The following MYOM2 variants were observed in gnomAD, a reference collection of about 807,000 sequenced individuals.
MYOM2 encodes myomesin 2.
MYOM2 carries 254 observed loss-of-function variants against 187.6 expected under a neutral mutation model. That is an observed-to-expected ratio of 1.35 (90% CI 1.22 to 1.50). The LOEUF is 1.50. MYOM2 is among the 40% of genes most tolerant of loss of function. MYOM2 has a pLI of 0.00. For synonymous variants in MYOM2, 981 were observed against 753.8 expected (o/e 1.30, Z -4.94); for missense variants, 2,796 against 1,924.0 (o/e 1.45, Z -8.48).
rs1477157281 is a variant in MYOM2 at position 2,073,506 on chromosome 8, G to A, written c.1120+6G>A. The A allele has an allele frequency of 1.9e-6, 3 of 1,594,654 alleles. No individual in the cohort carries two copies. Among genetic ancestry groups the A allele is most frequent in the Admixed American group, 1.7e-5 (1 of 59,026 alleles). On this transcript the variant is annotated splice_donor_region_variant and intron_variant, in intron 10 of 36. Coordinates refer to ENST00000262113, the MANE Select transcript of MYOM2 (RefSeq NM_003970.4). Reference sequence around the variant, plus strand: ...CGCCTTCCTGTTTGTCAGAGGTGCGGGCAGCAGGGTTCTCAGGGTGCAGAC... The same window carrying A: ...CGCCTTCCTGTTTGTCAGAGGTGCGAGCAGCAGGGTTCTCAGGGTGCAGAC...
chr8:2,084,562 C>T (rs1819742557), intron 13 of MYOM2, among the ~76,000 whole-genome samples: 1 of 152,126 alleles, frequency 6.6e-6, no homozygotes, highest in Admixed American at 6.5e-5. Context: ...TGAAAATCTC[C>T]TATAAATTCA....
At chr8:2,125,266 T>A (rs1395860111) in intron 31 of MYOM2, among the ~76,000 whole-genome samples, 1 of 152,226 alleles carries the variant, frequency 6.6e-6, no homozygotes, top group Non-Finnish European at 1.5e-5. Flanking sequence ...GATTTTTCCA[T>A]GTGGCATAAG....
intron 31 of MYOM2, among the ~76,000 whole-genome samples, chr8:2,128,471 C>G (rs1330712200): frequency 1.3e-5 from 2 of 152,228 alleles, no homozygotes; most frequent in African/African-American, 2.4e-5. Context: ...TGATAACAAT[C>G]TCTACTTCCA....
At chr8:2,107,450 C>A (rs1796931235) in intron 23 of MYOM2, among the ~76,000 whole-genome samples, 2 of 152,150 alleles carry the variant, frequency 1.3e-5, no homozygotes, top group Admixed American at 1.3e-4. Flanking sequence ...TTATCAATCA[C>A]TGTCCTGGTT....
At chr8:2,137,330 A>G (rs1798114940) in intron 32 of MYOM2, among the ~76,000 whole-genome samples, 1 of 151,924 alleles carries the variant, frequency 6.6e-6, no homozygotes, top group African/African-American at 2.4e-5. Context: ...GCACGAACAG[A>G]GCATTTCGTG....
At position 2,067,715 on chromosome 8, in the gene MYOM2, G is replaced by T. The variant is rs143931431; in HGVS notation, c.654-1563G>T. On this transcript the variant is annotated intron_variant, in intron 6 of 36. Coordinates refer to ENST00000262113, the MANE Select transcript of MYOM2 (RefSeq NM_003970.4). ...GAAGACCCACCCCCACAGGTACTTG[G>T]GTTTTGTGAGCCTGGCTATTCCTAA... Among the ~76,000 whole-genome samples the T allele has an allele frequency of 2.5e-3, 377 of 151,388 alleles. 1 individual carries two copies. Among genetic ancestry groups the T allele is most frequent in the African/African-American group, 8.4e-3 (348 of 41,250 alleles).
In MYOM2 at chr8:2,098,974, C is replaced by T; in HGVS notation, c.2431C>T (p.Pro811Ser). 1 of 1,603,446 alleles carries T rather than the reference C, an allele frequency of 6.2e-7. No individual in the cohort carries two copies. Among genetic ancestry groups the T allele is most frequent in the Non-Finnish European group, 8.5e-7 (1 of 1,172,518 alleles). Residue 811 changes from proline (P) to serine (S), a missense_variant, in exon 19 of 37, where the codon CCG becomes TCG. Physicochemically the swap from Pro to Ser is moderately conservative, Grantham distance 74 (BLOSUM62 -1). Coordinates refer to ENST00000262113, the MANE Select transcript of MYOM2 (RefSeq NM_003970.4). ...CTTCAAGTGTGAGGCCTGGACCATGCCGGAGCCCGGTGAGTCGCTGCCCCC... is the reference window on the plus strand; with the variant it reads ...CTTCAAGTGTGAGGCCTGGACCATGTCGGAGCCCGGTGAGTCGCTGCCCCC... ...EHFKCEAWTM[P>S]EPGPAYDLTF... is the part of the protein sequence containing the mutation.
rs1206696759 is a variant in MYOM2, at chr8:2,098,955, G to C, written c.2412G>C (p.Lys804Asn). 1 of 1,613,490 alleles carries C rather than the reference G, an allele frequency of 6.2e-7. No individual in the cohort carries two copies. ...GEPSDPSEHF[K>N]CEAWTMPEPG... ...CCTCAGATCCCAGTGAGCACTTCAA[G>C]TGTGAGGCCTGGACCATGCCGGAGC... Residue 804 changes from lysine to asparagine, a missense_variant, in exon 19 of 37, where the codon AAG becomes AAC. By Grantham distance (94) the Lys-to-Asn change is moderately conservative. Coordinates refer to ENST00000262113, the MANE Select transcript of MYOM2 (RefSeq NM_003970.4).
chr8:2,101,162 A>G, intron 20 of MYOM2, 108 bp downstream of exon 20: 2 of 1,100,438 alleles, frequency 1.8e-6, no homozygotes, highest in South Asian at 1.5e-5. Context: ...CCTGGCCAAC[A>G]TGGAGAAGCC....
Position 2,109,494 on chromosome 8 carries a change from G to C in MYOM2, c.3143G>C (p.Arg1048Pro), listed in dbSNP as rs746759229. Residue 1048 changes from arginine (R) to proline (P), a missense_variant, in exon 25 of 37, where the codon CGA (arginine) becomes CCA (proline). Physicochemically the swap from Arg to Pro is moderately radical, Grantham distance 103 (BLOSUM62 -2). Coordinates refer to ENST00000262113, the MANE Select transcript of MYOM2 (RefSeq NM_003970.4). ...CACTTATCACCAGATGCCAGCTACC[G>C]ATTTATTATTAACGACAGAGAAGTC... The part of the protein sequence containing the change: ...AEHLSPDASY[R>P]FIINDREVSD... 8 of 1,613,296 alleles carry C rather than the reference G, an allele frequency of 5.0e-6. No homozygotes were observed. Among genetic ancestry groups the C allele is most frequent in the Non-Finnish European group, 6.8e-6 (8 of 1,179,622 alleles).
chr8:2,109,299 C>T (rs2280895), intron 24 of MYOM2, 96 bp from the exon 25 acceptor site: 498,811 of 1,350,464 alleles, frequency 0.37, 94,614 homozygotes, highest in East Asian at 0.44. Context: ...TCTCAAAAAT[C>T]TAATAACTAG....
In MYOM2 at chr8:2,076,182, G is replaced by T. The variant is rs777574800; in HGVS notation, c.1162G>T (p.Asp388Tyr). The change falls in exon 11 of 37, where the codon GAC becomes TAC. Residue 388 changes from aspartate (D) to tyrosine (Y), a missense_variant. Asp to Tyr is a radical substitution (Grantham distance 160). Coordinates refer to ENST00000262113, the MANE Select transcript of MYOM2 (RefSeq NM_003970.4). ...CACAGGGGCCCCCGGTGCACCCATG[G>T]ACTTGCAGTGCCACGACGCCAACCG... ...LVTGAPGAPM[D>Y]LQCHDANRDY... 1 of 1,613,336 alleles carries T rather than the reference G, an allele frequency of 6.2e-7. No individual in the cohort carries two copies. The highest frequency in any genetic ancestry group is 8.5e-7 in the Non-Finnish European group (1 of 1,179,898).
chr8:2,122,233 G>A (rs886512232), intron 28 of MYOM2, among the ~76,000 whole-genome samples: 3 of 152,292 alleles, frequency 2.0e-5, no homozygotes, highest in African/African-American at 4.8e-5. Flanking sequence ...AGCCTCAGCC[G>A]CAGTCCATTC....
chr8:2,060,385 C>A (rs1347479187), intron 6 of MYOM2, among the ~76,000 whole-genome samples: 2 of 151,976 alleles, frequency 1.3e-5, no homozygotes, highest in Non-Finnish European at 2.9e-5. Flanking sequence ...CTGTGAGACT[C>A]CAATAAGAAG....
At chr8:2,132,336 C>G (rs1193871817) in intron 32 of MYOM2, among the ~76,000 whole-genome samples, 3 of 152,120 alleles carry the variant, frequency 2.0e-5, no homozygotes, top group African/African-American at 4.8e-5. Context: ...GTTAAAAATG[C>G]TGAGTAATAC....
intron 30 of MYOM2, 49 bp downstream of exon 30, chr8:2,123,691 A>G (rs758156958): frequency 3.3e-6 from 5 of 1,510,296 alleles, no homozygotes; most frequent in African/African-American, 1.4e-5. Context: ...CCTTTCACCA[A>G]CAGGATGGGA....
At chr8:2,131,948 G>A (rs1421949724) in intron 32 of MYOM2, among the ~76,000 whole-genome samples, 1 of 152,004 alleles carries the variant, frequency 6.6e-6, no homozygotes, top group African/African-American at 2.4e-5. Flanking sequence ...CGGCCAATAG[G>A]CATTTCTTTA....
chr8:2,120,859 G>A (rs1005373917), intron 28 of MYOM2, among the ~76,000 whole-genome samples: 6 of 149,744 alleles, frequency 4.0e-5, no homozygotes, highest in East Asian at 4.0e-4. Flanking sequence ...TGATAGGTTC[G>A]ATAACATGCT....
intron 10 of MYOM2, among the ~76,000 whole-genome samples, chr8:2,075,258 G>A (rs564831985): frequency 1.9e-4 from 29 of 152,206 alleles, no homozygotes; most frequent in South Asian, 1.5e-3. Flanking sequence ...TGTCCCTTCC[G>A]TCTTCTGCAT....
Sources: gnomAD v4.1 joint callset for allele counts (sites outside exome capture counted in the v4.1 genomes callset) on GRCh38, gnomAD v4.1.1 for gene constraint, MANE v1.5 for transcripts, NCBI Gene and HGNC (gene_info 2026-07-23, HGNC 2026-07-21) for gene names.